MARCO: variants seen among roughly 807,000 people sequenced by gnomAD.
MARCO encodes the protein macrophage receptor MARCO.
MARCO carries 72 observed loss-of-function variants against 70.0 expected under a neutral mutation model. The observed-to-expected ratio is 1.03, with a 90% CI of 0.85 to 1.25. The LOEUF (loss-of-function observed/expected upper bound fraction) is 1.25. Among genes scored for constraint, MARCO ranks in the 50% most tolerant of loss-of-function variants. The pLI, the probability that MARCO is intolerant of heterozygous loss-of-function variation, is 0.00. For synonymous variants in MARCO, 273 were observed against 243.1 expected, an observed-to-expected ratio of 1.12 and a Z score of -1.14; for missense variants, 696 against 659.3, an observed-to-expected ratio of 1.06 and a Z score of -0.61.
intron 15 of MARCO, among the ~76,000 whole-genome samples, chr2:118,992,804 T>C (rs1342233366): frequency 6.6e-6 from 1 of 151,504 alleles, no homozygotes; most frequent in Admixed American, 6.6e-5. Flanking sequence ...TCTCCATTCT[T>C]TCCTTCCTTC....
rs1008843036 is a variant in MARCO at position 118,991,814 on chromosome 2, G to C, written c.1146G>C (p.Gly382=). Residue 382 remains glycine (G), a synonymous_variant, in exon 14 of 17, where the codon GGG becomes GGC. Coordinates refer to ENST00000327097, the MANE Select transcript of MARCO (RefSeq NM_006770.4). Reference sequence around the variant, plus strand: ...TGAAGGGAGAACAGGGGAGCCCAGGGCTGGCAGGTCCCAAGGGAGCCCCTG... The same window carrying C: ...TGAAGGGAGAACAGGGGAGCCCAGGCCTGGCAGGTCCCAAGGGAGCCCCTG... The part of the protein sequence containing the change: ...AGVKGEQGSP[G]LAGPKGAPGQ... The C allele has an allele frequency of 6.3e-7, 1 of 1,599,658 alleles. No homozygotes were observed. The highest frequency in any genetic ancestry group is 1.3e-5 in the African/African-American group (1 of 74,770).
In MARCO at chr2:118,971,492, C is replaced by G; in HGVS notation, c.425-7C>G. The G allele has an allele frequency of 1.2e-6, 2 of 1,614,038 alleles. No individual in the cohort carries two copies. Among genetic ancestry groups the G allele is most frequent in the Non-Finnish European group, 8.5e-7 (1 of 1,179,910 alleles). ...CTCAGCTGCAGCTCACTCTCCTTCC[C>G]TTGCAGGGATGTTCAGAATCAAAGG... is the stretch of plus-strand genomic sequence containing the variant. On this transcript the variant is annotated splice_region_variant and splice_polypyrimidine_tract_variant and intron_variant, in intron 3 of 16. Transcript: ENST00000327097.
intron 12 of MARCO, among the ~76,000 whole-genome samples, chr2:118,985,778 T>C (rs1680473205): frequency 6.6e-6 from 1 of 152,202 alleles, no homozygotes; most frequent in Non-Finnish European, 1.5e-5. Flanking sequence ...CCTCATGAAA[T>C]AACATTAGAA....
At chr2:118,977,636 C>A in intron 7 of MARCO, 121 bp downstream of exon 7, 2 of 885,068 alleles carry the variant, frequency 2.3e-6, no homozygotes, top group Non-Finnish European at 3.6e-6. Flanking sequence ...TTACTGCCCA[C>A]CCTACAGTCC....
At chr2:118,959,696 A>G (rs1679905881) in intron 1 of MARCO, among the ~76,000 whole-genome samples, 1 of 152,214 alleles carries the variant, frequency 6.6e-6, no homozygotes, top group Non-Finnish European at 1.5e-5. Context: ...GCATGTTTAT[A>G]GCAGCACAAT....
chr2:118,959,832 G>A (rs987524599), intron 1 of MARCO, among the ~76,000 whole-genome samples: 1 of 152,158 alleles, frequency 6.6e-6, no homozygotes, highest in African/African-American at 2.4e-5. Flanking sequence ...GGATGAGATT[G>A]GAGACTATTA....
At chr2:118,968,426 A>G (rs556773463) in intron 1 of MARCO, among the ~76,000 whole-genome samples, 3 of 152,310 alleles carry the variant, frequency 2.0e-5, no homozygotes, top group South Asian at 2.1e-4. Flanking sequence ...AATGTGTGGT[A>G]TTTTATGTAC....
chr2:118,981,109 C>T (rs1231772552), intron 8 of MARCO, among the ~76,000 whole-genome samples: 2 of 152,194 alleles, frequency 1.3e-5, no homozygotes, highest in Admixed American at 6.5e-5. Flanking sequence ...GACACTAAAA[C>T]AAGCCAGACA....
intron 1 of MARCO, among the ~76,000 whole-genome samples, chr2:118,955,490 T>C (rs1679817861): frequency 6.6e-6 from 1 of 152,124 alleles, no homozygotes; most frequent in Non-Finnish European, 1.5e-5. Flanking sequence ...TTGATGTTCC[T>C]GAGGAAAAAG....
At chr2:118,948,412 G>A (rs915845119) in intron 1 of MARCO, among the ~76,000 whole-genome samples, 1 of 152,170 alleles carries the variant, frequency 6.6e-6, no homozygotes, top group Non-Finnish European at 1.5e-5. Context: ...GCTTACAAAA[G>A]GTTTAAGGAA....
intron 9 of MARCO, 51 bp from the exon 10 acceptor site, chr2:118,981,570 C>A (rs757702509): frequency 2.0e-6 from 3 of 1,512,296 alleles, no homozygotes; most frequent in Admixed American, 4.0e-5. Flanking sequence ...TTTTTTCTGG[C>A]TGGCTGAGCC....
Position 118,990,640 on chromosome 2 carries a change from G to A in MARCO, c.1108+7G>A. ...GGAGAATCAGGAGTTCCAGGTAAAG[G>A]GCAGGCTGCATCTTCATCCCTCGGA... On this transcript the variant is annotated splice_region_variant and intron_variant, in intron 13 of 16. Transcript: ENST00000327097. The A allele has an allele frequency of 6.2e-7, 1 of 1,603,650 alleles. No individual in the cohort carries two copies. Among genetic ancestry groups the A allele is most frequent in the South Asian group, 1.1e-5 (1 of 90,920 alleles).
intron 1 of MARCO, among the ~76,000 whole-genome samples, chr2:118,961,960 A>ATT (rs1679956427): frequency 6.6e-6 from 1 of 152,308 alleles, no homozygotes; most frequent in East Asian, 1.9e-4. Context: ...TCCCAGAACC[A>ATT]TTTATTGAAT....
chr2:118,947,070 G>A (rs1679614122), intron 1 of MARCO, among the ~76,000 whole-genome samples: 1 of 151,996 alleles, frequency 6.6e-6, no homozygotes, highest in South Asian at 2.1e-4. Context: ...TAAGTCCTTT[G>A]CTAGATATGT....
Position 118,974,555 on chromosome 2 carries a change from G to A in MARCO, c.603G>A (p.Lys201=), listed in dbSNP as rs755435063. 2 of 1,613,312 alleles carry A rather than the reference G, an allele frequency of 1.2e-6. No individual in the cohort carries two copies. Among genetic ancestry groups the A allele is most frequent in the Non-Finnish European group, 1.7e-6 (2 of 1,179,808 alleles). Residue 201 remains lysine, a synonymous_variant, in exon 6 of 17, where the codon AAG becomes AAA. Coordinates refer to ENST00000327097, the MANE Select transcript of MARCO (RefSeq NM_006770.4). ...GACCCCAAGGCCCACCGGGAGTCAAGGGAGAGGCGGGTGAGTAGGTGCTGG... is the reference window on the plus strand; with the variant it reads ...GACCCCAAGGCCCACCGGGAGTCAAAGGAGAGGCGGGTGAGTAGGTGCTGG... ...PSGPQGPPGV[K]GEAGLQGPQG...
rs1680502124 is a variant in MARCO at position 118,986,655 on chromosome 2, AGGAAGGAAGGAAGGAAGG to A, written c.1064-3933_1064-3916del. ...AAAGAAAGAAAGAAAGAAAGAAAGA[AGGAAGGAAGGAAGGAAGG>A]AAAGAAAGAAAGAAAGAAAGAAAGA... On this transcript the variant is annotated intron_variant, in intron 12 of 16. Transcript: ENST00000327097. 4.3e-5 allele frequency among the ~76,000 whole-genome samples: 2 copies of A among 45,986 alleles called. 1 individual carries two copies. Among genetic ancestry groups the A allele is most frequent in the East Asian group, 1.6e-3 (2 of 1,220 alleles). 30.2% of individuals were successfully genotyped at this position (45,986 alleles called of 152,430 possible).
chr2:118,972,969 G>A (rs1338556554), intron 4 of MARCO, among the ~76,000 whole-genome samples: 2 of 152,092 alleles, frequency 1.3e-5, no homozygotes, highest in African/African-American at 4.8e-5. Flanking sequence ...TATGAATATA[G>A]ATGTGCGTAC....
At chr2:118,949,146 A>C (rs1679667818) in intron 1 of MARCO, among the ~76,000 whole-genome samples, 1 of 152,198 alleles carries the variant, frequency 6.6e-6, no homozygotes, top group African/African-American at 2.4e-5. Context: ...AGGAAATAGC[A>C]GAAAAAGAGC....
intron 1 of MARCO, chr2:118,952,635 G>A (rs1278016598): frequency 2.6e-5 from 4 of 152,182 alleles, no homozygotes; most frequent in East Asian, 3.9e-4. Flanking sequence ...CAAAGTCATC[G>A]CTGCAGTATG....
Sources: gnomAD v4.1 joint callset for allele counts (sites outside exome capture counted in the v4.1 genomes callset) on GRCh38, gnomAD v4.1.1 for gene constraint, MANE v1.5 for transcripts, NCBI Gene and HGNC (gene_info 2026-07-23, HGNC 2026-07-21) for gene names.